ARHGAP39: variants seen among roughly 807,000 people sequenced by gnomAD.
ARHGAP39 encodes the protein rho GTPase-activating protein 39.
ARHGAP39 carries 44 observed loss-of-function variants against 106.9 expected under a neutral mutation model. The ratio of observed to expected loss-of-function variants is 0.41; its 90% CI spans 0.32 to 0.53. The LOEUF is 0.53. Ranked by LOEUF, ARHGAP39 falls within the 20% of genes least tolerant of loss-of-function variation. The probability of loss-of-function intolerance (pLI) is 0.21; values close to 1 mark genes in which losing one functional copy is unlikely to be tolerated. For synonymous variants in ARHGAP39, 768 were observed against 693.2 expected, an observed-to-expected ratio of 1.11 and a Z score of -1.69; for missense variants, 1,496 against 1,577.3, an observed-to-expected ratio of 0.95 and a Z score of 0.87.
At chr8:144,538,959 C>T (rs1428510802) in intron 6 of ARHGAP39, among the ~76,000 whole-genome samples, 3 of 133,502 alleles carry the variant, frequency 2.2e-5, no homozygotes, top group African/African-American at 7.4e-5. Flanking sequence ...CCACTGGGAA[C>T]TCCTTCCGCT....
chr8:144,567,988 T>C (rs1818462495), intron 3 of ARHGAP39, among the ~76,000 whole-genome samples: 1 of 152,126 alleles, frequency 6.6e-6, no homozygotes, highest in Non-Finnish European at 1.5e-5. Flanking sequence ...CTCTTTGTCT[T>C]GTGTCTTTAT....
intron 1 of ARHGAP39, among the ~76,000 whole-genome samples, chr8:144,617,248 G>T (rs972303855): frequency 2.6e-5 from 4 of 151,980 alleles, no homozygotes; most frequent in African/African-American, 9.7e-5. Flanking sequence ...ACAATTGGGT[G>T]ATTTCAGAAG....
In ARHGAP39 at chr8:144,559,439, G is replaced by A. The variant is rs1818064741; in HGVS notation, c.513-3796C>T. On this transcript the variant is annotated intron_variant, in intron 3 of 11. Transcript: ENST00000377307. ...GATGGATGGATTCTGGAATGCAACA[G>A]AAAGCGCAAGTATTGACCCAAATAT... 3.5e-5 allele frequency among the ~76,000 whole-genome samples: 5 copies of A among 141,388 alleles called. No individual in the cohort carries two copies. The South Asian group carries it at 1.1e-3, about 32-fold the overall frequency. The allele number at this position is 141,388 out of a possible 152,430, so 92.8% of individuals were successfully genotyped here.
chr8:144,534,526 G>A lies in ARHGAP39; in HGVS notation c.2615-324C>T, dbSNP rs572851236. Among the ~76,000 whole-genome samples the A allele has an allele frequency of 2.0e-5, 3 of 152,196 alleles. No homozygotes were observed. In the South Asian group the frequency reaches 6.2e-4, roughly 31 times the overall value. On this transcript the variant is annotated intron_variant, in intron 7 of 11. Transcript: ENST00000377307. The stretch of plus-strand genomic sequence containing the variant: ...CTCTAGACCCCACTGCTCCCTCCCC[G>A]GGGCCTGACCCAGGGAGCTGTCCAG...
chr8:144,575,657 G>T (rs527597517), intron 3 of ARHGAP39, among the ~76,000 whole-genome samples: 147 of 152,148 alleles, frequency 9.7e-4, no homozygotes, highest in Admixed American at 2.3e-3. Context: ...ACCCACCTGA[G>T]GGTGTTTCCA....
Position 144,670,165 on chromosome 8 carries a change from G to A in ARHGAP39, c.-82+15521C>T, listed in dbSNP as rs1822065702. ...TAGAGCGTACCGGGAAGCAGGATCA[G>A]GGCCTGGGACCAGGCGGCTGTAAAA... On this transcript the variant is annotated intron_variant, in intron 1 of 11. Transcript: ENST00000377307. This position sits in a 1 kb window ranked among gnomAD's most constrained non-coding sequence, Gnocchi z 4.4. Among the ~76,000 whole-genome samples the A allele has an allele frequency of 6.6e-6, 1 of 152,190 alleles. No homozygotes were observed. Among genetic ancestry groups the A allele is most frequent in the South Asian group, 2.1e-4 (1 of 4,824 alleles).
chr8:144,591,672 C>T lies in ARHGAP39; in HGVS notation c.81-10395G>A, dbSNP rs531047867. 6.0e-4 allele frequency among the ~76,000 whole-genome samples: 92 copies of T among 152,268 alleles called. 2 individuals are homozygous for T. The highest frequency in any genetic ancestry group is 1.9e-3 in the African/African-American group (81 of 41,554). Reference sequence around the variant, plus strand: ...CAGAGGCGAGGAAGGGCAAGGTTTTCGGCCTGAGCACCTGGAGGGCGGGGC... The same window carrying T: ...CAGAGGCGAGGAAGGGCAAGGTTTTTGGCCTGAGCACCTGGAGGGCGGGGC... On this transcript the variant is annotated intron_variant, in intron 2 of 11. Coordinates refer to ENST00000377307, the MANE Select transcript of ARHGAP39 (RefSeq NM_025251.3). The surrounding 1 kb of genome is among the most constrained non-coding windows in gnomAD (Gnocchi z 5.3).
chr8:144,549,206 C>T (rs1464646013), intron 4 of ARHGAP39, among the ~76,000 whole-genome samples: 1 of 152,272 alleles, frequency 6.6e-6, no homozygotes, highest in African/African-American at 2.4e-5. Flanking sequence ...ACGCAATGCC[C>T]ACACGTGCTC....
At chr8:144,539,346 C>T (rs774274153) in intron 6 of ARHGAP39, among the ~76,000 whole-genome samples, 3 of 152,202 alleles carry the variant, frequency 2.0e-5, no homozygotes, top group Non-Finnish European at 4.4e-5. Context: ...CCTCCCTTTG[C>T]GTGTCTGTGA....
At chr8:144,602,254 TGA>T (rs1820027852) in intron 2 of ARHGAP39, among the ~76,000 whole-genome samples, 1 of 91,398 alleles carries the variant, frequency 1.1e-5, no homozygotes, top group African/African-American at 4.2e-5. Context: ...GGTGTGTGTG[TGA>T]GCTCATGTAC....
In ARHGAP39 at chr8:144,681,652, T is replaced by C. The variant is rs960843164; in HGVS notation, c.-82+4034A>G. The stretch of plus-strand genomic sequence containing the variant: ...TGTTCAAGGACATGCCAACTCTCCA[T>C]GTAGCATGTAGCTTCCACAGCCCAT... On this transcript the variant is annotated intron_variant, in intron 1 of 11. Transcript: ENST00000377307. 4.6e-5 allele frequency among the ~76,000 whole-genome samples: 7 copies of C among 152,216 alleles called. No homozygotes were observed. In the East Asian group the frequency reaches 1.3e-3, roughly 29 times the overall value.
In ARHGAP39 at chr8:144,581,329, G is replaced by A. The variant is rs1350911948; in HGVS notation, c.81-52C>T. The A allele has an allele frequency of 7.4e-6, 11 of 1,488,958 alleles. No homozygotes were observed. In the African/African-American group the frequency reaches 9.7e-5, roughly 13 times the overall value. The allele number at this position is 1,488,958 out of a possible 1,614,324, so 92.2% of individuals were successfully genotyped here. ...TGGAGCCACGGCGGCCTGGGCCCGC[G>A]CCTCCCACCCCTGCAGACCCCGGCT... On this transcript the variant is annotated intron_variant, in intron 2 of 11. Coordinates refer to ENST00000377307, the MANE Select transcript of ARHGAP39 (RefSeq NM_025251.3).
At chr8:144,566,081 G>A (rs888698294) in intron 3 of ARHGAP39, among the ~76,000 whole-genome samples, 3 of 150,756 alleles carry the variant, frequency 2.0e-5, no homozygotes, top group African/African-American at 5.0e-5. Context: ...GCTACAGAGC[G>A]AGACCCTGTC....
In ARHGAP39 at chr8:144,533,306, A is replaced by T. The variant is rs1816807044; in HGVS notation, c.2708T>A (p.Val903Glu). Residue 903 changes from valine (V) to glutamate (E), a missense_variant, in exon 9 of 12, where the codon GTG (valine) becomes GAG (glutamate). Around this residue, in one of 4 missense-constraint regions of ARHGAP39, gnomAD observed 470 missense variants for 605.1 expected, o/e 0.78. Transcript: ENST00000377307. ...GAKKGLKKPNVEEIRHAKNAV... is the reference protein window; with the variant it reads ...GAKKGLKKPNEEEIRHAKNAV... Reference sequence around the variant, plus strand: ...GTTCTTGGCATGCCGGATCTCCTCCACGTTGGGCTTCTTCAGCCCCTGTGA... The same window carrying T: ...GTTCTTGGCATGCCGGATCTCCTCCTCGTTGGGCTTCTTCAGCCCCTGTGA... The T allele has an allele frequency of 6.2e-7, 1 of 1,612,780 alleles. No individual in the cohort carries two copies. The highest frequency in any genetic ancestry group is 8.5e-7 in the Non-Finnish European group (1 of 1,179,906).
the ARHGAP39 span, among the ~76,000 whole-genome samples, chr8:144,696,667 T>C: frequency 6.6e-6 from 1 of 152,222 alleles, no homozygotes; most frequent in African/African-American, 2.4e-5. Flanking sequence ...GTAAAATTCA[T>C]ATAACATAAA....
intron 1 of ARHGAP39, among the ~76,000 whole-genome samples, chr8:144,643,754 A>AC (rs2130990239): frequency 6.6e-6 from 1 of 152,344 alleles, no homozygotes; most frequent in Admixed American, 6.5e-5. Context: ...TAGAAGAAAA[A>AC]CAAAGTACTG....
intron 1 of ARHGAP39, among the ~76,000 whole-genome samples, chr8:144,661,719 C>G (rs1461682265): frequency 6.6e-6 from 1 of 152,070 alleles, no homozygotes; most frequent in East Asian, 1.9e-4. Flanking sequence ...CTGTGTTGCC[C>G]AGGCTGGAGT....
Position 144,548,260 on chromosome 8 carries a change from G to A in ARHGAP39, c.826C>T (p.Leu276=), listed in dbSNP as rs1016794024. 3 of 1,608,900 alleles carry A rather than the reference G, an allele frequency of 1.9e-6. No homozygotes were observed. The highest frequency in any genetic ancestry group is 1.1e-5 in the South Asian group (1 of 90,686). Residue 276 remains leucine (L), a synonymous_variant, in exon 5 of 12, where the codon CTG becomes TTG. Transcript: ENST00000377307. This position sits in a 1 kb window ranked among gnomAD's most constrained non-coding sequence, Gnocchi z 7.4. Reference sequence around the variant, plus strand: ...CTCCCTGGGAGCTCGGCCCTCTTCAGGAAGGGTGACGGCCTCCTCTCTGGG... The same window carrying A: ...CTCCCTGGGAGCTCGGCCCTCTTCAAGAAGGGTGACGGCCTCCTCTCTGGG... ...FFPERRPSPF[L]KRAELPGSSS...
At chr8:144,696,647 T>C in the ARHGAP39 span, among the ~76,000 whole-genome samples, 53 of 152,190 alleles carry the variant, frequency 3.5e-4, no homozygotes, top group Non-Finnish European at 6.8e-4. Flanking sequence ...TTTAAAAAAA[T>C]TTTATTGTGG....
Sources: allele counts gnomAD v4.1 joint callset (sites outside exome capture counted in the v4.1 genomes callset), GRCh38; gene constraint gnomAD v4.1.1; regional missense constraint gnomAD v4.1.1; non-coding constraint Gnocchi (gnomAD v3.1); transcripts MANE v1.5; gene names NCBI Gene and HGNC (gene_info 2026-07-23, HGNC 2026-07-21).